RNF112: variants seen among roughly 807,000 people sequenced by gnomAD.
The protein encoded by RNF112 is ring finger protein 112.
RNF112 carries 34 observed loss-of-function variants against 64.7 expected under a neutral mutation model. The ratio of observed to expected loss-of-function variants is 0.53; its 90% CI spans 0.40 to 0.70. The LOEUF is 0.70. Ranked by LOEUF, RNF112 falls within the 30% of genes least tolerant of loss-of-function variation. The pLI is 0.00. For missense variants in RNF112, 734 were observed against 850.0 expected (o/e 0.86, Z 1.70); for synonymous variants, 345 against 344.5 (o/e 1.00, Z -0.02).
rs1913868381 is a variant in RNF112 at position 19,415,800 on chromosome 17, C to T, written c.1521C>T (p.Arg507=). The change falls in exon 14 of 14, where the codon CGC becomes CGT. Residue 507 remains arginine (R), a synonymous_variant. Coordinates refer to ENST00000461366, the MANE Select transcript of RNF112 (RefSeq NM_007148.5). The surrounding 1 kb of genome is among the most constrained non-coding windows in gnomAD (Gnocchi z 7.8). ...LSTQKDAILA[R]HGVALLCKGR... The stretch of plus-strand genomic sequence containing the variant: ...CCCAGAAAGATGCCATTCTGGCCCG[C>T]CATGGTGTGGCCTTACTCTGCAAGG... 3 of 1,613,622 alleles carry T rather than the reference C, an allele frequency of 1.9e-6. No individual in the cohort carries two copies. Among genetic ancestry groups the T allele is most frequent in the African/African-American group, 1.3e-5 (1 of 74,946 alleles).
chr17:19,414,175 C>T (rs747523181), intron 7 of RNF112, 30 bp downstream of exon 7: 1 of 1,579,354 alleles, frequency 6.3e-7, no homozygotes, highest in Non-Finnish European at 8.7e-7. Flanking sequence ...TGGGGCATCC[C>T]CCACCCCCAC....
chr17:19,414,253 C>A (rs1489735451), intron 7 of RNF112, 108 bp downstream of exon 7: 8 of 1,187,180 alleles, frequency 6.7e-6, no homozygotes, highest in South Asian at 1.3e-5. Context: ...TTTTATGACA[C>A]TTGAACAGGG....
Position 19,414,448 on chromosome 17 carries a change from G to A in RNF112, c.877-1G>A, listed in dbSNP as rs1274404786. On this transcript the variant is annotated splice_acceptor_variant, in intron 7 of 13. Coordinates refer to ENST00000461366, the MANE Select transcript of RNF112 (RefSeq NM_007148.5). LOFTEE classifies it high-confidence loss of function. ...TGACGCTTTCTGTGTCCCACCCCCA[G>A]ATGTTTGTCCACGTGGCCGAGGTGA... 2 of 1,613,878 alleles carry A rather than the reference G, an allele frequency of 1.2e-6. No homozygotes were observed. The highest frequency in any genetic ancestry group is 1.7e-6 in the Non-Finnish European group (2 of 1,179,880).
In RNF112 at chr17:19,412,880, T is replaced by C. The variant is rs1913713551; in HGVS notation, c.382-58T>C. 29 of 1,567,724 alleles carry C rather than the reference T, an allele frequency of 1.8e-5. No individual in the cohort carries two copies. The highest frequency in any genetic ancestry group is 2.4e-5 in the Non-Finnish European group (28 of 1,158,266). On this transcript the variant is annotated intron_variant, in intron 3 of 13. Coordinates refer to ENST00000461366, the MANE Select transcript of RNF112 (RefSeq NM_007148.5). This position sits in a 1 kb window ranked among gnomAD's most constrained non-coding sequence, Gnocchi z 5.1. ...GACACAGAGCTCCAGGCTGAACACA[T>C]TCCAGGGTCAGGAGCTGGTCCTGGA...
chr17:19,413,549 C>CT lies in RNF112; in HGVS notation c.721-26dup. 1 of 1,604,378 alleles carries CT rather than the reference C, an allele frequency of 6.2e-7. No homozygotes were observed. The highest frequency in any genetic ancestry group is 1.1e-5 in the South Asian group (1 of 90,106). On this transcript the variant is annotated intron_variant, in intron 5 of 13. Transcript: ENST00000461366. The surrounding 1 kb of genome is among the most constrained non-coding windows in gnomAD (Gnocchi z 5.9). ...TGGGAGAACAAGGCAGGCCTGGCCC[C>CT]TTGGGTCTTTCCCTACCCCCTGCAT...
In RNF112 at chr17:19,416,267, G is replaced by C; in HGVS notation, c.*92G>C. Reference sequence around the variant, plus strand: ...GGGAGGGTGATGCCAGGGATTCCAAGGCACCGCCATGTACTGCACTGCCCT... The same window carrying C: ...GGGAGGGTGATGCCAGGGATTCCAACGCACCGCCATGTACTGCACTGCCCT... On this transcript the variant is annotated 3_prime_UTR_variant, in exon 14 of 14. Coordinates refer to ENST00000461366, the MANE Select transcript of RNF112 (RefSeq NM_007148.5). 8.3e-7 allele frequency: 1 copy of C among 1,210,490 alleles called. No individual in the cohort carries two copies. 75.0% of individuals were successfully genotyped at this position (1,210,490 alleles called of 1,614,324 possible). A position where few individuals can be genotyped will look rare whatever the true frequency, so the allele number is the denominator to read the frequency against.
rs1266300572 is a variant in RNF112 at position 19,416,170 on chromosome 17, G to A, written c.1891G>A (p.Glu631Lys). The A allele has an allele frequency of 6.4e-7, 1 of 1,554,858 alleles. No homozygotes were observed. The highest frequency in any genetic ancestry group is 1.2e-5 in the South Asian group (1 of 84,064). ...EGDREPLLQE[E>K] ...GGACCGAGAGCCCCTTCTCCAGGAAGAGTAACAGCCCCAGGAGGTATTGAA... is the reference window on the plus strand; with the variant it reads ...GGACCGAGAGCCCCTTCTCCAGGAAAAGTAACAGCCCCAGGAGGTATTGAA... Residue 631 changes from glutamate (E) to lysine (K), a missense_variant, in exon 14 of 14, where the codon GAG becomes AAG. Physicochemically the swap from Glu to Lys is moderately conservative, Grantham distance 56. Coordinates refer to ENST00000461366, the MANE Select transcript of RNF112 (RefSeq NM_007148.5).
In RNF112 at chr17:19,415,687, T is replaced by C; in HGVS notation, c.1426-18T>C. ...GGACTCCTGGTCAGGGCACCTTCTT[T>C]TCCCCTCCCTGTCACAGGACGTAGC... On this transcript the variant is annotated intron_variant, in intron 13 of 13. Transcript: ENST00000461366. The surrounding 1 kb of genome is among the most constrained non-coding windows in gnomAD (Gnocchi z 7.8). 6.2e-7 allele frequency: 1 copy of C among 1,601,606 alleles called. No individual in the cohort carries two copies. The highest frequency in any genetic ancestry group is 8.5e-7 in the Non-Finnish European group (1 of 1,172,930).
rs1444936112 is a variant in RNF112, at chr17:19,412,890, A to G, written c.382-48A>G. 6.4e-7 allele frequency: 1 copy of G among 1,566,410 alleles called. No individual in the cohort carries two copies. On this transcript the variant is annotated intron_variant, in intron 3 of 13. Coordinates refer to ENST00000461366, the MANE Select transcript of RNF112 (RefSeq NM_007148.5). The surrounding 1 kb of genome is among the most constrained non-coding windows in gnomAD (Gnocchi z 5.1). ...TCCAGGCTGAACACATTCCAGGGTC[A>G]GGAGCTGGTCCTGGATGCTCAGGGG...
At chr17:19,411,968 G>A in intron 2 of RNF112, 2 of 529,006 alleles carry the variant, frequency 3.8e-6, no homozygotes, top group Non-Finnish European at 6.8e-6. Context: ...GGTTGTGGAG[G>A]GTATCATCCC....
In RNF112 at chr17:19,415,494, C is replaced by A; in HGVS notation, c.1351-24C>A. 1 of 1,600,928 alleles carries A rather than the reference C, an allele frequency of 6.2e-7. No homozygotes were observed. The highest frequency in any genetic ancestry group is 8.5e-7 in the Non-Finnish European group (1 of 1,173,906). On this transcript the variant is annotated intron_variant, in intron 12 of 13. Coordinates refer to ENST00000461366, the MANE Select transcript of RNF112 (RefSeq NM_007148.5). The surrounding 1 kb of genome is among the most constrained non-coding windows in gnomAD (Gnocchi z 7.8). ...CCTGGCTGAGAAGGAAGGAAGGAGG[C>A]AGCCTGGGTTTTCCCGTGGACAGAT...
chr17:19,414,800 G>A lies in RNF112; in HGVS notation c.1039G>A (p.Glu347Lys), dbSNP rs537248987. ...RLSGRYPKVQ[E>K]LLQGKRARCC... The stretch of plus-strand genomic sequence containing the variant: ...GTCTGGCAGATACCCCAAGGTGCAG[G>A]AGCTGCTGCAAGGGAAGCGAGCCCG... The change falls in exon 10 of 14, where the codon GAG becomes AAG. Residue 347 changes from glutamate to lysine, a missense_variant. Coordinates refer to ENST00000461366, the MANE Select transcript of RNF112 (RefSeq NM_007148.5). 5.3e-5 allele frequency: 85 copies of A among 1,613,692 alleles called. No individual in the cohort carries two copies. The highest frequency in any genetic ancestry group is 5.0e-4 in the Middle Eastern group (3 of 6,058).
chr17:19,415,983 T>A lies in RNF112; in HGVS notation c.1704T>A (p.Ala568=), dbSNP rs1334688292. 8 of 1,568,392 alleles carry A rather than the reference T, an allele frequency of 5.1e-6. No individual in the cohort carries two copies. The highest frequency in any genetic ancestry group is 3.5e-5 in the South Asian group (3 of 84,702). The change falls in exon 14 of 14, where the codon GCT becomes GCA. Residue 568 remains alanine, a synonymous_variant. Coordinates refer to ENST00000461366, the MANE Select transcript of RNF112 (RefSeq NM_007148.5). This position sits in a 1 kb window ranked among gnomAD's most constrained non-coding sequence, Gnocchi z 7.8. ...LMGLAGGVVG[A]GMAAAALAAE... Reference sequence around the variant, plus strand: ...GCCTGGCAGGGGGCGTGGTGGGTGCTGGCATGGCAGCAGCTGCACTGGCTG... The same window carrying A: ...GCCTGGCAGGGGGCGTGGTGGGTGCAGGCATGGCAGCAGCTGCACTGGCTG...
chr17:19,411,352 T>G lies in RNF112; in HGVS notation c.-57T>G. On this transcript the variant is annotated 5_prime_UTR_variant, in exon 1 of 14. Coordinates refer to ENST00000461366, the MANE Select transcript of RNF112 (RefSeq NM_007148.5). The stretch of plus-strand genomic sequence containing the variant: ...GAGAAAAGGCATCCTTACCTCTGGT[T>G]GAAGGTCTCGGGGCCTCCCCCTCTG... 1 of 1,555,514 alleles carries G rather than the reference T, an allele frequency of 6.4e-7. No homozygotes were observed. Among genetic ancestry groups the G allele is most frequent in the Non-Finnish European group, 8.8e-7 (1 of 1,141,588 alleles).
Position 19,413,510 on chromosome 17 carries a change from G to A in RNF112, c.721-67G>A, listed in dbSNP as rs1289858052. 1.3e-6 allele frequency: 2 copies of A among 1,578,344 alleles called. No individual in the cohort carries two copies. Among genetic ancestry groups the A allele is most frequent in the African/African-American group, 1.3e-5 (1 of 74,454 alleles). Reference sequence around the variant, plus strand: ...AGAAGATGGGGATGGGACGGGGCAGGGTTGGGAAGAATGTGGGAGAACAAG... The same window carrying A: ...AGAAGATGGGGATGGGACGGGGCAGAGTTGGGAAGAATGTGGGAGAACAAG... On this transcript the variant is annotated intron_variant, in intron 5 of 13. Transcript: ENST00000461366. The surrounding 1 kb of genome is among the most constrained non-coding windows in gnomAD (Gnocchi z 5.9).
chr17:19,411,254 C>G lies in RNF112; in HGVS notation c.-155C>G, dbSNP rs1024574778. On this transcript the variant is annotated 5_prime_UTR_variant, in exon 1 of 14. Transcript: ENST00000461366. Reference sequence around the variant, plus strand: ...GTCACATTTCTTTTCCAGCTCTGACCGGGAGTCAGCTCCTCGGGGATACCA... The same window carrying G: ...GTCACATTTCTTTTCCAGCTCTGACGGGGAGTCAGCTCCTCGGGGATACCA... The G allele has an allele frequency of 1.5e-5, 10 of 653,112 alleles. No individual in the cohort carries two copies. The highest frequency in any genetic ancestry group is 1.3e-4 in the African/African-American group (7 of 54,940). The allele number at this position is 653,112 out of a possible 1,614,324, so 40.5% of individuals were successfully genotyped here.
chr17:19,412,604 A>G lies in RNF112; in HGVS notation c.202A>G (p.Ile68Val). 2.5e-6 allele frequency: 4 copies of G among 1,613,188 alleles called. No individual in the cohort carries two copies. Among genetic ancestry groups the G allele is most frequent in the South Asian group, 1.1e-5 (1 of 91,026 alleles). Residue 68 changes from isoleucine to valine, a missense_variant, in exon 3 of 14, where the codon ATC (isoleucine) becomes GTC (valine). Transcript: ENST00000461366. The surrounding 1 kb of genome is among the most constrained non-coding windows in gnomAD (Gnocchi z 5.1). ...SICLERLRDP[I>V]SLDCGHDFCI... ...CTGCCTGGAGAGGTTGCGCGACCCCATCTCGCTGGACTGTGGCCACGACTT... is the reference window on the plus strand; with the variant it reads ...CTGCCTGGAGAGGTTGCGCGACCCCGTCTCGCTGGACTGTGGCCACGACTT...
rs1913777299 is a variant in RNF112 at position 19,414,115 on chromosome 17, G to A, written c.846G>A (p.Glu282=). 6.2e-7 allele frequency: 1 copy of A among 1,603,786 alleles called. No homozygotes were observed. Among genetic ancestry groups the A allele is most frequent in the South Asian group, 1.1e-5 (1 of 90,918 alleles). The part of the protein sequence containing the change: ...SSYQILSTSQ[E]LKDTDLDYLE... ...TCCAGATCCTCAGCACCTCCCAGGA[G>A]CTGAAGGATACAGACCTGGACTATC... is the stretch of plus-strand genomic sequence containing the variant. Residue 282 remains glutamate, a synonymous_variant, in exon 7 of 14, where the codon GAG becomes GAA. Transcript: ENST00000461366.
rs1385733257 is a variant in RNF112 at position 19,414,604 on chromosome 17, C to T, written c.952C>T (p.Arg318Cys). 4.3e-6 allele frequency: 7 copies of T among 1,613,790 alleles called. No individual in the cohort carries two copies. The highest frequency in any genetic ancestry group is 2.2e-5 in the East Asian group (1 of 44,874). The change falls in exon 9 of 14, where the codon CGT (arginine) becomes TGT (cysteine). Residue 318 changes from arginine (R) to cysteine (C), a missense_variant. By Grantham distance (180) the Arg-to-Cys change is radical (BLOSUM62 -3). Transcript: ENST00000461366. ...VPIQHLDLLV[R>C]DSSHPNKAGQ... ...CTTTCAGCATCTGGACCTCTTAGTT[C>T]GTGACTCATCCCACCCCAACAAGGC... is the stretch of plus-strand genomic sequence containing the variant.
Sources: gnomAD v4.1 joint callset for allele counts on GRCh38, gnomAD v4.1.1 for gene constraint, Gnocchi (gnomAD v3.1) non-coding constraint, MANE v1.5 for transcripts, NCBI Gene and HGNC (gene_info 2026-07-23, HGNC 2026-07-21) for gene names.